The following MYO1E variants were observed in gnomAD, a reference collection of about 807,000 sequenced individuals.
MYO1E encodes the protein myosin IE.
A neutral mutation model predicts 151.1 loss-of-function variants in MYO1E; 68 were observed. That is an observed-to-expected ratio of 0.45 (90% CI 0.37 to 0.55). The LOEUF (loss-of-function observed/expected upper bound fraction) is 0.55, where lower values mean the gene tolerates loss of function less well. Ranked by LOEUF, MYO1E falls within the 20% of genes least tolerant of loss-of-function variation. The probability of loss-of-function intolerance (pLI) is 0.00; values close to 1 mark genes in which losing one functional copy is unlikely to be tolerated. For synonymous variants in MYO1E, 601 were observed against 501.7 expected (o/e 1.20, Z -2.64); for missense variants, 1,363 against 1,389.3 (o/e 0.98, Z 0.30).
intron 1 of MYO1E, among the ~76,000 whole-genome samples, chr15:59,332,793 G>A (rs2140423934): frequency 6.6e-6 from 1 of 152,132 alleles, no homozygotes; most frequent in Admixed American, 6.6e-5. Context: ...TGAGACCAAA[G>A]CTCAAGTGAT....
At chr15:59,313,953 TG>T (rs2080569132) in intron 1 of MYO1E, among the ~76,000 whole-genome samples, 1 of 152,268 alleles carries the variant, frequency 6.6e-6, no homozygotes, top group African/African-American at 2.4e-5. Flanking sequence ...CCAGACTGAC[TG>T]GAACAGGAGT....
rs75184940 is a variant in MYO1E at position 59,327,338 on chromosome 15, T to A, written c.3+45160A>T. On this transcript the variant is annotated intron_variant, in intron 1 of 27. Coordinates refer to ENST00000288235, the MANE Select transcript of MYO1E (RefSeq NM_004998.4). ...TTGTACATTTTTCTTTTTTTTTTTT[T>A]ATTTCAGAGATGGGGTCTCACTCTA... Among the ~76,000 whole-genome samples, 794 of 131,274 alleles carry A rather than the reference T, an allele frequency of 6.0e-3. 3 individuals are homozygous for A. Among genetic ancestry groups the A allele is most frequent in the Middle Eastern group, 0.011 (3 of 270 alleles). The allele number at this position is 131,274 out of a possible 152,430, so 86.1% of individuals were successfully genotyped here. A position where few individuals can be genotyped will look rare whatever the true frequency, so the allele number is the denominator to read the frequency against.
intron 12 of MYO1E, chr15:59,212,502 C>A (rs1473446428): frequency 3.3e-5 from 5 of 152,132 alleles, no homozygotes; most frequent in Non-Finnish European, 7.3e-5. Context: ...CCACCTGGAA[C>A]CTCTCAGAAT....
chr15:59,353,364 AAAAAAAAAAGAAAAG>A (rs1188220579), intron 1 of MYO1E, among the ~76,000 whole-genome samples: 1 of 131,346 alleles, frequency 7.6e-6, no homozygotes, highest in Admixed American at 7.6e-5. Flanking sequence ...CTCAAAAAAA[AAAAAAAAAAGAAAAG>A]AAAAGAAAAG....
intron 5 of MYO1E, among the ~76,000 whole-genome samples, chr15:59,233,555 T>G (rs1420450280): frequency 6.7e-6 from 1 of 148,312 alleles, no homozygotes; most frequent in East Asian, 2.0e-4. Context: ...TCCCAGCTAC[T>G]CGGGAGGCTG....
At chr15:59,182,881 C>T (rs1001117687) in intron 18 of MYO1E, among the ~76,000 whole-genome samples, 5 of 152,126 alleles carry the variant, frequency 3.3e-5, no homozygotes, top group Non-Finnish European at 7.4e-5. Flanking sequence ...TTTCTATGGA[C>T]GGGGTTGTGG....
chr15:59,236,369 T>TACACAC (rs56164138), intron 5 of MYO1E, among the ~76,000 whole-genome samples: 45 of 117,690 alleles, frequency 3.8e-4, no homozygotes, highest in African/African-American at 1.2e-3. Flanking sequence ...AAAAAATATA[T>TACACAC]ACACACACAC....
intron 26 of MYO1E, among the ~76,000 whole-genome samples, chr15:59,144,543 C>G (rs1270724712): frequency 5.3e-5 from 8 of 152,194 alleles, no homozygotes; most frequent in Non-Finnish European, 1.2e-4. Flanking sequence ...GATCCTCCCA[C>G]CTTGGCCTCC....
At chr15:59,235,593 A>G (rs2080057398) in intron 5 of MYO1E, among the ~76,000 whole-genome samples, 2 of 152,232 alleles carry the variant, frequency 1.3e-5, no homozygotes, top group African/African-American at 4.8e-5. Flanking sequence ...TGAACACTTA[A>G]GTTGTTTCCA....
intron 1 of MYO1E, among the ~76,000 whole-genome samples, chr15:59,331,009 ATCC>A (rs2080694769): frequency 6.6e-6 from 1 of 152,106 alleles, no homozygotes; most frequent in Admixed American, 6.6e-5. Context: ...GGCTCAAGCA[ATCC>A]TCCTGTGTCG....
chr15:59,282,928 GA>G (rs1567001873), intron 1 of MYO1E, among the ~76,000 whole-genome samples: 1 of 322 alleles, frequency 3.1e-3, no homozygotes. Flanking sequence ...GGGGGAGGGG[GA>G]GGGGGAGGGG....
At position 59,133,443 on chromosome 15, in the gene MYO1E, T is replaced by G. The variant is rs1192114663; in HGVS notation, c.*3937A>C. ...CCCCCAGGGAAGAACTGTGTGACCT[T>G]GGGCGACCTAGTGAACCATACTGAG... On this transcript the variant is annotated 3_prime_UTR_variant, in exon 28 of 28. Coordinates refer to ENST00000288235, the MANE Select transcript of MYO1E (RefSeq NM_004998.4). 6.6e-6 allele frequency: 1 copy of G among 151,916 alleles called. No homozygotes were observed. Among genetic ancestry groups the G allele is most frequent in the Non-Finnish European group, 1.5e-5 (1 of 68,008 alleles). 9.4% of individuals were successfully genotyped at this position (151,916 alleles called of 1,614,324 possible).
At chr15:59,156,335 C>A (rs1299504712) in intron 25 of MYO1E, among the ~76,000 whole-genome samples, 1 of 152,176 alleles carries the variant, frequency 6.6e-6, no homozygotes, top group Non-Finnish European at 1.5e-5. Context: ...CAGGTGTGCA[C>A]CACCATGCCT....
At chr15:59,360,479 T>C (rs1399514257) in intron 1 of MYO1E, among the ~76,000 whole-genome samples, 5 of 152,194 alleles carry the variant, frequency 3.3e-5, no homozygotes, top group African/African-American at 1.2e-4. Context: ...AAGGCCTGCA[T>C]TCCCCTTTCT....
chr15:59,339,144 T>C lies in MYO1E; in HGVS notation c.3+33354A>G, dbSNP rs544445997. Among the ~76,000 whole-genome samples the C allele has an allele frequency of 2.4e-4, 36 of 152,186 alleles. 1 individual carries two copies. Among genetic ancestry groups the C allele is most frequent in the African/African-American group, 8.4e-4 (35 of 41,510 alleles). ...AAGACTCTGTCTCAAAAAAAGAAAA[T>C]GTCAATGACACATTTTATTCAACTT... On this transcript the variant is annotated intron_variant, in intron 1 of 27. Coordinates refer to ENST00000288235, the MANE Select transcript of MYO1E (RefSeq NM_004998.4).
chr15:59,210,313 C>G (rs544155846), intron 13 of MYO1E, among the ~76,000 whole-genome samples: 3 of 149,570 alleles, frequency 2.0e-5, no homozygotes, highest in Admixed American at 2.0e-4. Flanking sequence ...ACATTTTACT[C>G]ATATCCACAT....
intron 1 of MYO1E, among the ~76,000 whole-genome samples, chr15:59,300,321 C>A (rs926311271): frequency 3.3e-5 from 5 of 152,090 alleles, no homozygotes; most frequent in African/African-American, 1.2e-4. Flanking sequence ...CACAGACACA[C>A]ACACACACGC....
intron 18 of MYO1E, among the ~76,000 whole-genome samples, chr15:59,179,406 G>A (rs1354967512): frequency 2.0e-5 from 3 of 152,140 alleles, no homozygotes; most frequent in East Asian, 1.9e-4. Context: ...CCAGGAGACC[G>A]GATGCCACAT....
At chr15:59,158,006 G>C (rs1234075945) in intron 25 of MYO1E, among the ~76,000 whole-genome samples, 1 of 152,214 alleles carries the variant, frequency 6.6e-6, no homozygotes, top group African/African-American at 2.4e-5. Context: ...TACGGACAAG[G>C]AACTCCTTTC....
Sources: allele counts gnomAD v4.1 joint callset (sites outside exome capture counted in the v4.1 genomes callset), GRCh38; gene constraint gnomAD v4.1.1; transcripts MANE v1.5; gene names NCBI Gene and HGNC (gene_info 2026-07-23, HGNC 2026-07-21).